Variants in ALMS1 observed in about 807,000 individuals in gnomAD.
The protein encoded by ALMS1 is centrosome-associated protein ALMS1.
A neutral mutation model predicts 352.2 loss-of-function variants in ALMS1; 271 were observed. The ratio of observed to expected loss-of-function variants is 0.77; its 90% CI spans 0.70 to 0.85. ALMS1 has a LOEUF of 0.85. Among genes scored for constraint, ALMS1 ranks in the 40% least tolerant of loss-of-function variants. ALMS1 has a pLI of 0.00. For synonymous variants in ALMS1, 1,865 were observed against 1,761.2 expected, an observed-to-expected ratio of 1.06 and a Z score of -1.48; for missense variants, 5,445 against 4,870.7, an observed-to-expected ratio of 1.12 and a Z score of -3.51.
At chr2:73,588,816 A>G (rs900600990) in intron 16 of ALMS1, among the ~76,000 whole-genome samples, 1 of 152,120 alleles carries the variant, frequency 6.6e-6, no homozygotes, top group Non-Finnish European at 1.5e-5. Context: ...GTCCAACTAA[A>G]TGTTTATTAA....
chr2:73,404,805 T>A lies in ALMS1; in HGVS notation c.325-3817T>A, dbSNP rs577644639. Among the ~76,000 whole-genome samples the A allele has an allele frequency of 2.6e-5, 4 of 151,816 alleles. No individual in the cohort carries two copies. The South Asian group carries it at 8.3e-4, about 32-fold the overall frequency. ...TAGAATGATTTGGAATGTTCCCTCC[T>A]GTGCAATTTTTTGGGATTGTTTCAG... is the stretch of plus-strand genomic sequence containing the variant. On this transcript the variant is annotated intron_variant, in intron 1 of 22. Coordinates refer to ENST00000613296, the MANE Select transcript of ALMS1 (RefSeq NM_001378454.1).
chr2:73,535,508 A>G (rs756463482), intron 12 of ALMS1, among the ~76,000 whole-genome samples: 5 of 152,186 alleles, frequency 3.3e-5, no homozygotes, highest in Non-Finnish European at 5.9e-5. Flanking sequence ...GCCTTTTATT[A>G]CAGCAGCTGC....
At chr2:73,549,648 A>G (rs910325399) in intron 12 of ALMS1, among the ~76,000 whole-genome samples, 2 of 152,094 alleles carry the variant, frequency 1.3e-5, no homozygotes, top group Non-Finnish European at 1.5e-5. Context: ...CCAAGATACA[A>G]TCCATTTTCT....
At chr2:73,494,854 A>G (rs1673070498) in intron 10 of ALMS1, among the ~76,000 whole-genome samples, 2 of 152,230 alleles carry the variant, frequency 1.3e-5, no homozygotes, top group Admixed American at 1.3e-4. Context: ...TTGTTAGACT[A>G]TACAAATAAC....
intron 16 of ALMS1, 86 bp from the exon 17 acceptor site, chr2:73,599,315 A>T: frequency 1.3e-6 from 2 of 1,548,214 alleles, no homozygotes; most frequent in Non-Finnish European, 1.8e-6. Flanking sequence ...TTGGATTAGA[A>T]AGAGGACTTG....
At chr2:73,586,486 C>T (rs1675316154) in intron 16 of ALMS1, among the ~76,000 whole-genome samples, 1 of 152,128 alleles carries the variant, frequency 6.6e-6, no homozygotes, top group Admixed American at 6.5e-5. Context: ...TATCCCAGGA[C>T]CATTTGTTGA....
chr2:73,598,871 C>T (rs952858504), intron 16 of ALMS1, among the ~76,000 whole-genome samples: 1 of 152,196 alleles, frequency 6.6e-6, no homozygotes, highest in Non-Finnish European at 1.5e-5. Context: ...GCTCTACTTG[C>T]TCTGAACGTA....
At chr2:73,482,559 C>T (rs1238658795) in intron 9 of ALMS1, among the ~76,000 whole-genome samples, 3 of 152,086 alleles carry the variant, frequency 2.0e-5, no homozygotes, top group African/African-American at 7.2e-5. Context: ...TGTGTCTCTG[C>T]CTGGCTTTGG....
At chr2:73,424,397 T>G in intron 4 of ALMS1, 33 bp from the exon 5 acceptor site, 1 of 1,292,400 alleles carries the variant, frequency 7.7e-7, no homozygotes, top group East Asian at 2.6e-5. Context: ...TTTAATGTTA[T>G]TTATTTATTT....
chr2:73,542,452 A>G (rs1005606716), intron 12 of ALMS1, among the ~76,000 whole-genome samples: 27 of 152,174 alleles, frequency 1.8e-4, no homozygotes, highest in African/African-American at 5.3e-4. Flanking sequence ...GAAAACTGGC[A>G]CAAGACAGGG....
At chr2:73,465,684 C>T (rs1045264619) in intron 9 of ALMS1, among the ~76,000 whole-genome samples, 2 of 151,452 alleles carry the variant, frequency 1.3e-5, no homozygotes, top group East Asian at 1.9e-4. Context: ...AAGAAACTAC[C>T]ATCAGAGTGA....
At chr2:73,527,927 G>A (rs981730515) in intron 11 of ALMS1, among the ~76,000 whole-genome samples, 31 of 151,686 alleles carry the variant, frequency 2.0e-4, no homozygotes, top group Admixed American at 1.3e-3. Flanking sequence ...GCTGTATCCC[G>A]TAGGTTTTGG....
chr2:73,485,806 C>T (rs886424811), intron 9 of ALMS1, among the ~76,000 whole-genome samples: 9 of 152,142 alleles, frequency 5.9e-5, no homozygotes, highest in African/African-American at 1.7e-4. Context: ...GTTGGAAAAG[C>T]GCAGTATTCG....
chr2:73,461,779 A>G (rs1216904214), intron 9 of ALMS1, among the ~76,000 whole-genome samples: 1 of 152,236 alleles, frequency 6.6e-6, no homozygotes. Flanking sequence ...TGGAGCTAAA[A>G]GCAAAGGCGC....
At chr2:73,518,227 C>A (rs1673600571) in intron 10 of ALMS1, among the ~76,000 whole-genome samples, 1 of 151,876 alleles carries the variant, frequency 6.6e-6, no homozygotes, top group Non-Finnish European at 1.5e-5. Context: ...ATTTGGTTTT[C>A]TGTTCCTGCA....
chr2:73,421,381 T>A (rs552763998), intron 3 of ALMS1, among the ~76,000 whole-genome samples: 1 of 152,152 alleles, frequency 6.6e-6, no homozygotes, highest in African/African-American at 2.4e-5. Context: ...GTCCCCCTTG[T>A]AGCATCAGCT....
rs891921993 is a variant in ALMS1, at chr2:73,462,527, G to A, written c.7674+7232G>A. ...ATGCCAAAATGTAAAGACTGTCAAG[G>A]CCAGGAAGAAACTGCATCAACTAAT... On this transcript the variant is annotated intron_variant, in intron 9 of 22. Transcript: ENST00000613296. 1.6e-4 allele frequency among the ~76,000 whole-genome samples: 24 copies of A among 152,258 alleles called. No individual in the cohort carries two copies. The East Asian group carries it at 3.3e-3, about 21-fold the overall frequency.
chr2:73,589,997 T>G (rs1038090337), intron 16 of ALMS1, among the ~76,000 whole-genome samples: 1 of 152,210 alleles, frequency 6.6e-6, no homozygotes, highest in Non-Finnish European at 1.5e-5. Flanking sequence ...TTCTAATTTT[T>G]ATCAGAACAC....
Position 73,489,739 on chromosome 2 carries a change from C to T in ALMS1, c.7780C>T (p.His2594Tyr), listed in dbSNP as rs754585700. Reference protein sequence around the residue: ...KGCFRTLTSEHPQLDRHPCAF... With the variant: ...KGCFRTLTSEYPQLDRHPCAF... ...ATGTTTCCGGACTCTAACTTCTGAA[C>T]ATCCACAACTAGATAGACACCCTTG... The change falls in exon 10 of 23, where the codon CAT becomes TAT. Residue 2594 changes from histidine to tyrosine, a missense_variant. Physicochemically the swap from His to Tyr is moderately conservative, Grantham distance 83. Transcript: ENST00000613296. 7 of 1,613,984 alleles carry T rather than the reference C, an allele frequency of 4.3e-6. No individual in the cohort carries two copies. The Admixed American group carries it at 1.2e-4, about 27-fold the overall frequency.
Sources: allele counts gnomAD v4.1 joint callset (sites outside exome capture counted in the v4.1 genomes callset), GRCh38; gene constraint gnomAD v4.1.1; transcripts MANE v1.5; gene names NCBI Gene and HGNC (gene_info 2026-07-23, HGNC 2026-07-21).